KIF1C: variants seen among roughly 807,000 people sequenced by gnomAD.
The protein encoded by KIF1C is kinesin-like protein KIF1C.
A neutral mutation model predicts 126.5 loss-of-function variants in KIF1C; 61 were observed. That is an observed-to-expected ratio of 0.48 (90% CI 0.39 to 0.60). KIF1C has a LOEUF of 0.60. Ranked by LOEUF, KIF1C falls within the 20% of genes least tolerant of loss-of-function variation. The pLI, the probability that KIF1C is intolerant of heterozygous loss-of-function variation, is 0.00. For missense variants in KIF1C, 1,315 were observed against 1,489.2 expected, an observed-to-expected ratio of 0.88 and a Z score of 1.93; for synonymous variants, 640 against 580.6, an observed-to-expected ratio of 1.10 and a Z score of -1.47.
rs201655443 is a variant in KIF1C at position 5,002,823 on chromosome 17, C to T, written c.701C>T (p.Thr234Met). 106 of 1,609,850 alleles carry T rather than the reference C, an allele frequency of 6.6e-5. No individual in the cohort carries two copies. Among genetic ancestry groups the T allele is most frequent in the African/African-American group, 1.2e-4 (9 of 74,324 alleles). The change falls in exon 8 of 23, where the codon ACG becomes ATG. Residue 234 changes from threonine (T) to methionine (M), a missense_variant. Around this residue, in one of 2 missense-constraint regions of KIF1C, gnomAD observed 874 missense variants for 1,053.2 expected, o/e 0.83. Coordinates refer to ENST00000320785, the MANE Select transcript of KIF1C (RefSeq NM_006612.6). ...ACACAGCGCTGCCATGACCAGCTCA[C>T]GGGGCTGGACTCGGAGAAGGTGGGA... is the stretch of plus-strand genomic sequence containing the variant. Reference protein sequence around the residue: ...VFTQRCHDQLTGLDSEKVSKI... With the variant: ...VFTQRCHDQLMGLDSEKVSKI...
chr17:5,004,491 C>A (rs1416132265), intron 11 of KIF1C, 76 bp from the exon 12 acceptor site: 4 of 1,377,916 alleles, frequency 2.9e-6, no homozygotes, highest in Non-Finnish European at 3.1e-6. Context: ...GGGCAGTGGG[C>A]CCCAGCCCTG....
chr17:5,011,069 C>T (rs1241322201), intron 16 of KIF1C, among the ~76,000 whole-genome samples: 1 of 152,148 alleles, frequency 6.6e-6, no homozygotes. Context: ...CTTAGTAAGA[C>T]TTTTCTCTTT....
At chr17:5,002,389 C>T in intron 6 of KIF1C, 75 bp from the exon 7 acceptor site, 3 of 1,364,000 alleles carry the variant, frequency 2.2e-6, no homozygotes, top group South Asian at 2.6e-5. Context: ...GGATCGTGTC[C>T]AGTGGAGTCA....
rs1974658852 is a variant in KIF1C, at chr17:5,003,666, G to A, written c.775G>A (p.Gly259Arg). ...LAGSERADSS[G>R]ARGMRLKEGA... ...TGGGAGTGAGCGAGCCGACTCCTCA[G>A]GGGCCCGGGGCATGCGCCTGAAGGT... The change falls in exon 9 of 23, where the codon GGG (glycine) becomes AGG (arginine). Residue 259 changes from glycine (G) to arginine (R), a missense_variant. Coordinates refer to ENST00000320785, the MANE Select transcript of KIF1C (RefSeq NM_006612.6). The A allele has an allele frequency of 2.5e-6, 4 of 1,613,820 alleles. No individual in the cohort carries two copies. Among genetic ancestry groups the A allele is most frequent in the Non-Finnish European group, 2.5e-6 (3 of 1,179,902 alleles).
rs181145340 is a variant in KIF1C at position 4,998,169 on chromosome 17, G to C, written c.-149+13G>C. The C allele has an allele frequency of 0.019, 2,889 of 152,580 alleles. 44 individuals are homozygous for C. The highest frequency in any genetic ancestry group is 0.03 in the Middle Eastern group (9 of 298). The allele number at this position is 152,580 out of a possible 1,614,324, so 9.5% of individuals were successfully genotyped here. On this transcript the variant is annotated intron_variant, in intron 1 of 22. Coordinates refer to ENST00000320785, the MANE Select transcript of KIF1C (RefSeq NM_006612.6). ...CCGCCGCGCCGAGGTGAGGGCTGGG[G>C]AAGGGGGAGGGAAGGGACGCCCGCG...
rs763806162 is a variant in KIF1C at position 5,004,631 on chromosome 17, T to G, written c.1005T>G (p.Thr335=). 1 of 1,614,122 alleles carries G rather than the reference T, an allele frequency of 6.2e-7. No individual in the cohort carries two copies. The highest frequency in any genetic ancestry group is 1.7e-5 in the Admixed American group (1 of 60,022). ...LSPADINYEE[T]LSTLRYADRT... The stretch of plus-strand genomic sequence containing the variant: ...CTGCTGACATCAATTACGAGGAGAC[T>G]CTCAGCACCCTCAGGTGAGGCTTTT... Residue 335 remains threonine, a synonymous_variant, in exon 12 of 23, where the codon ACT becomes ACG. Transcript: ENST00000320785.
chr17:5,006,152 A>G lies in KIF1C; in HGVS notation c.1166-763A>G, dbSNP rs985194290. ...AACCCAGGAGGTGGAGGTTGCGGTG[A>G]GCCAAGATGGAGCCATTGCACTCCA... On this transcript the variant is annotated intron_variant, in intron 13 of 22. Transcript: ENST00000320785. Among the ~76,000 whole-genome samples the G allele has an allele frequency of 1.7e-4, 25 of 145,744 alleles. 1 individual carries two copies. Among genetic ancestry groups the G allele is most frequent in the African/African-American group, 6.3e-4 (25 of 39,712 alleles).
Position 5,022,069 on chromosome 17 carries a change from C to T in KIF1C, c.2011-23C>T. 2 of 1,577,906 alleles carry T rather than the reference C, an allele frequency of 1.3e-6. No individual in the cohort carries two copies. The highest frequency in any genetic ancestry group is 1.7e-6 in the Non-Finnish European group (2 of 1,159,202). On this transcript the variant is annotated intron_variant, in intron 21 of 22. Transcript: ENST00000320785. The surrounding 1 kb of genome is among the most constrained non-coding windows in gnomAD (Gnocchi z 4.9). ...CTCTGGATGTCCTTAGCCCTCTCTT[C>T]CTCTTTCTTTCTCTGGCCCCAGTAT...
Position 5,022,155 on chromosome 17 carries a change from A to G in KIF1C, c.2074A>G (p.Ile692Val). The G allele has an allele frequency of 6.2e-7, 1 of 1,613,876 alleles. No homozygotes were observed. The highest frequency in any genetic ancestry group is 8.5e-7 in the Non-Finnish European group (1 of 1,179,842). ...KRSCEESWRL[I>V]SSLREQLPPT... Reference sequence around the variant, plus strand: ...CTCTTGTGAAGAGAGCTGGAGGCTCATCTCCTCCTTGCGGGAGCAGCTGCC... The same window carrying G: ...CTCTTGTGAAGAGAGCTGGAGGCTCGTCTCCTCCTTGCGGGAGCAGCTGCC... Residue 692 changes from isoleucine to valine, a missense_variant, in exon 22 of 23, where the codon ATC becomes GTC. Around this residue, in one of 2 missense-constraint regions of KIF1C, gnomAD observed 874 missense variants for 1,053.2 expected, o/e 0.83. Coordinates refer to ENST00000320785, the MANE Select transcript of KIF1C (RefSeq NM_006612.6). This position sits in a 1 kb window ranked among gnomAD's most constrained non-coding sequence, Gnocchi z 4.9.
At chr17:4,998,508 CT>C (rs1262672008) in intron 1 of KIF1C, among the ~76,000 whole-genome samples, 1 of 152,232 alleles carries the variant, frequency 6.6e-6, no homozygotes, top group East Asian at 1.9e-4. Context: ...CGGCCGACCC[CT>C]GTCCCTACCT....
At chr17:5,017,604 G>C (rs947020429) in intron 18 of KIF1C, among the ~76,000 whole-genome samples, 1 of 152,026 alleles carries the variant, frequency 6.6e-6, no homozygotes, top group African/African-American at 2.4e-5. Flanking sequence ...CGCCCAGCCT[G>C]GGCCTCAGTT....
Position 5,000,545 on chromosome 17 carries a change from G to A in KIF1C, c.106+193G>A, listed in dbSNP as rs540656472. ...CCCTGGGAGGGGGAATGTTGGCCTGGAGCCCTCCATTGCCCAATCCAGGGA... is the reference window on the plus strand; with the variant it reads ...CCCTGGGAGGGGGAATGTTGGCCTGAAGCCCTCCATTGCCCAATCCAGGGA... On this transcript the variant is annotated intron_variant, in intron 3 of 22. Coordinates refer to ENST00000320785, the MANE Select transcript of KIF1C (RefSeq NM_006612.6). Among the ~76,000 whole-genome samples the A allele has an allele frequency of 3.3e-5, 5 of 152,222 alleles. No homozygotes were observed. In the South Asian group the frequency reaches 1.0e-3, roughly 32 times the overall value.
chr17:5,007,369 G>T, intron 15 of KIF1C, 27 bp downstream of exon 15: 1 of 1,612,634 alleles, frequency 6.2e-7, no homozygotes, highest in Non-Finnish European at 8.5e-7. Flanking sequence ...TTGGGGTCCT[G>T]GGTGGAGTTG....
chr17:5,013,610 C>T (rs779119033), intron 16 of KIF1C, 43 bp from the exon 17 acceptor site: 4 of 1,439,610 alleles, frequency 2.8e-6, no homozygotes, highest in African/African-American at 1.4e-5. Context: ...TTCTATAGCA[C>T]CCCTGGCTGG....
intron 3 of KIF1C, 23 bp downstream of exon 3, chr17:5,000,375 G>T (rs776997909): frequency 1.1e-5 from 17 of 1,491,426 alleles, no homozygotes; most frequent in Non-Finnish European, 1.6e-5. Context: ...CCGGGGCCTG[G>T]CTGGGCACAG....
chr17:5,012,207 A>C (rs1974881884), intron 16 of KIF1C: 1 of 152,196 alleles, frequency 6.6e-6, no homozygotes, highest in South Asian at 2.1e-4. Flanking sequence ...TACCCCGCCT[A>C]GCGCTTCACC....
In KIF1C at chr17:5,009,931, A is replaced by G. The variant is rs1414453678; in HGVS notation, c.1491+2389A>G. Among the ~76,000 whole-genome samples the G allele has an allele frequency of 2.6e-5, 4 of 151,892 alleles. No homozygotes were observed. The East Asian group carries it at 7.8e-4, about 30-fold the overall frequency. On this transcript the variant is annotated intron_variant, in intron 16 of 22. Coordinates refer to ENST00000320785, the MANE Select transcript of KIF1C (RefSeq NM_006612.6). ...ATAGTTGTAGTTGCATATCTATTTT[A>G]TTTATTTATTTTGAGACAAGAGTCA...
Position 5,024,061 on chromosome 17 carries a change from A to G in KIF1C, c.3222A>G (p.Pro1074=), listed in dbSNP as rs1366258537. ...PPQPYPAQRP[P]GPRYPPYTTP... is the part of the protein sequence containing the mutation. ...AACCCTACCCAGCCCAGCGGCCCCC[A>G]GGGCCCCGCTACCCCCCATACACTA... Residue 1074 remains proline, a synonymous_variant, in exon 23 of 23, where the codon CCA becomes CCG. Coordinates refer to ENST00000320785, the MANE Select transcript of KIF1C (RefSeq NM_006612.6). The G allele has an allele frequency of 6.8e-7, 1 of 1,467,976 alleles. No individual in the cohort carries two copies. 90.9% of individuals were successfully genotyped at this position (1,467,976 alleles called of 1,614,324 possible). A position where few individuals can be genotyped will look rare whatever the true frequency, so the allele number is the denominator to read the frequency against.
chr17:5,004,674 G>A (rs1974684386), intron 12 of KIF1C, 29 bp downstream of exon 12: 24 of 1,609,636 alleles, frequency 1.5e-5, no homozygotes, highest in Non-Finnish European at 2.0e-5. Flanking sequence ...GCAGGGATGG[G>A]GCAGCATAGG....
Sources: allele counts gnomAD v4.1 joint callset (sites outside exome capture counted in the v4.1 genomes callset), GRCh38; gene constraint gnomAD v4.1.1; regional missense constraint gnomAD v4.1.1; non-coding constraint Gnocchi (gnomAD v3.1); transcripts MANE v1.5; gene names NCBI Gene and HGNC (gene_info 2026-07-23, HGNC 2026-07-21).